RABGAP1L: variants seen among roughly 807,000 people sequenced by gnomAD.
RABGAP1L encodes the protein rab GTPase-activating protein 1-like.
A neutral mutation model predicts 137.7 loss-of-function variants in RABGAP1L; 63 were observed. That is an observed-to-expected ratio of 0.46 (90% CI 0.37 to 0.56). RABGAP1L has a LOEUF of 0.56. RABGAP1L is among the 20% of genes least tolerant of loss of function. The probability of loss-of-function intolerance (pLI) is 0.00; values close to 1 mark genes in which losing one functional copy is unlikely to be tolerated. For missense variants in RABGAP1L, 1,095 were observed against 1,244.0 expected, an observed-to-expected ratio of 0.88 and a Z score of 1.80; for synonymous variants, 431 against 433.7, an observed-to-expected ratio of 0.99 and a Z score of 0.08.
chr1:174,541,775 CA>C (rs766403369), intron 13 of RABGAP1L, among the ~76,000 whole-genome samples: 3,330 of 134,576 alleles, frequency 0.025, 117 homozygotes, highest in African/African-American at 0.083. Context: ...GACTCCGTCT[CA>C]AAAAAAAAAA....
chr1:174,452,760 G>A (rs551383602), intron 13 of RABGAP1L, among the ~76,000 whole-genome samples: 13 of 151,972 alleles, frequency 8.6e-5, no homozygotes, highest in Admixed American at 2.6e-4. Flanking sequence ...CCGGGGTTTC[G>A]CGGCGTTAGT....
At chr1:174,352,334 G>C (rs1683271135) in intron 11 of RABGAP1L, among the ~76,000 whole-genome samples, 1 of 151,618 alleles carries the variant, frequency 6.6e-6, no homozygotes, top group Non-Finnish European at 1.5e-5. Context: ...TCTTCTGCTT[G>C]ATCAATTCTG....
At chr1:174,832,272 G>T (rs895721989) in intron 19 of RABGAP1L, among the ~76,000 whole-genome samples, 1 of 145,140 alleles carries the variant, frequency 6.9e-6, no homozygotes, top group African/African-American at 2.5e-5. Flanking sequence ...CAGCCTGGGC[G>T]ATAGAGCAAG....
chr1:174,185,611 A>G (rs556310275), intron 1 of RABGAP1L, among the ~76,000 whole-genome samples: 3 of 152,318 alleles, frequency 2.0e-5, no homozygotes, highest in African/African-American at 7.2e-5. Flanking sequence ...CCTTTTAAAA[A>G]ATGACCTTAT....
At chr1:174,941,900 G>T (rs1261734634) in intron 19 of RABGAP1L, among the ~76,000 whole-genome samples, 1 of 152,128 alleles carries the variant, frequency 6.6e-6, no homozygotes, top group Admixed American at 6.5e-5. Flanking sequence ...AAAATTTATT[G>T]TAAGTTTCTT....
intron 13 of RABGAP1L, among the ~76,000 whole-genome samples, chr1:174,615,542 A>T (rs1159952856): frequency 6.6e-6 from 1 of 152,168 alleles, no homozygotes. Flanking sequence ...GACCCAATTG[A>T]GGAGGCATTC....
chr1:174,919,124 T>C (rs1248922387), intron 19 of RABGAP1L, among the ~76,000 whole-genome samples: 1 of 152,058 alleles, frequency 6.6e-6, no homozygotes, highest in Admixed American at 6.6e-5. Flanking sequence ...GTTCAAGTGA[T>C]TCTCCCGCCT....
intron 18 of RABGAP1L, among the ~76,000 whole-genome samples, chr1:174,780,972 T>C (rs1176846620): frequency 6.6e-6 from 1 of 152,096 alleles, no homozygotes; most frequent in African/African-American, 2.4e-5. Flanking sequence ...TCTATCATTG[T>C]TGGACATTTG....
intron 19 of RABGAP1L, among the ~76,000 whole-genome samples, chr1:174,879,344 C>T (rs561211572): frequency 3.3e-5 from 5 of 152,120 alleles, no homozygotes; most frequent in Non-Finnish European, 7.4e-5. Context: ...GTGATCTACC[C>T]GCCTCGGCCT....
intron 13 of RABGAP1L, among the ~76,000 whole-genome samples, chr1:174,394,718 A>G (rs1647603718): frequency 1.3e-5 from 2 of 152,106 alleles, no homozygotes; most frequent in South Asian, 4.1e-4. Flanking sequence ...TAATTACTTA[A>G]TCTACTCTAA....
At chr1:174,293,546 A>G (rs1311137731) in intron 10 of RABGAP1L, among the ~76,000 whole-genome samples, 2 of 152,162 alleles carry the variant, frequency 1.3e-5, no homozygotes, top group Admixed American at 1.3e-4. Context: ...AATAACTTTT[A>G]CTAGTTGTAT....
intron 13 of RABGAP1L, among the ~76,000 whole-genome samples, chr1:174,439,821 A>C (rs1379921033): frequency 6.6e-6 from 1 of 152,254 alleles, no homozygotes; most frequent in Non-Finnish European, 1.5e-5. Flanking sequence ...TTCTGTGTCT[A>C]GCACCGCAGT....
chr1:174,733,662 C>T (rs1327313701), intron 17 of RABGAP1L, among the ~76,000 whole-genome samples: 5 of 152,196 alleles, frequency 3.3e-5, no homozygotes, highest in African/African-American at 1.2e-4. Flanking sequence ...AAGCACTATT[C>T]TGGACACTGA....
chr1:174,514,525 G>A (rs1182357561), intron 13 of RABGAP1L, among the ~76,000 whole-genome samples: 1 of 152,138 alleles, frequency 6.6e-6, no homozygotes, highest in Non-Finnish European at 1.5e-5. Context: ...TTAAAAATAT[G>A]TACTTGTTTA....
chr1:174,971,916 A>T (rs1369033568), intron 21 of RABGAP1L, among the ~76,000 whole-genome samples: 1 of 152,276 alleles, frequency 6.6e-6, no homozygotes, highest in Non-Finnish European at 1.5e-5. Flanking sequence ...AACACTAATT[A>T]GGAAATTAGG....
chr1:174,442,317 G>A (rs1168273848), intron 13 of RABGAP1L, among the ~76,000 whole-genome samples: 3 of 151,654 alleles, frequency 2.0e-5, no homozygotes, highest in African/African-American at 7.3e-5. Context: ...TATAAAATAG[G>A]ACTTTCTAGC....
chr1:174,459,336 G>A (rs990833367), intron 13 of RABGAP1L, among the ~76,000 whole-genome samples: 1 of 152,084 alleles, frequency 6.6e-6, no homozygotes, highest in African/African-American at 2.4e-5. Context: ...GTAAGAAAAT[G>A]AATAAATGAT....
At chr1:174,804,089 C>G (rs1689017251) in intron 18 of RABGAP1L, among the ~76,000 whole-genome samples, 1 of 151,840 alleles carries the variant, frequency 6.6e-6, no homozygotes, top group Non-Finnish European at 1.5e-5. Flanking sequence ...ATATGATACT[C>G]TTGCACTGAA....
intron 14 of RABGAP1L, among the ~76,000 whole-genome samples, chr1:174,650,951 T>C (rs1021380220): frequency 6.1e-5 from 9 of 146,792 alleles, no homozygotes; most frequent in Non-Finnish European, 1.4e-4. Context: ...GGATCTTTCC[T>C]GCTTTCTCTT....
Sources: gnomAD v4.1 joint callset for allele counts (sites outside exome capture counted in the v4.1 genomes callset) on GRCh38, gnomAD v4.1.1 for gene constraint, MANE v1.5 for transcripts, NCBI Gene and HGNC (gene_info 2026-07-23, HGNC 2026-07-21) for gene names.